NALF1: variants seen among roughly 807,000 people sequenced by gnomAD.
The protein encoded by NALF1 is NALCN channel auxiliary factor 1.
NALF1 carries 3 observed loss-of-function variants against 48.4 expected under a neutral mutation model. The observed-to-expected ratio is 0.06, with a 90% CI of 0.03 to 0.16. The LOEUF (loss-of-function observed/expected upper bound fraction) is 0.16, where lower values mean the gene tolerates loss of function less well. NALF1 is among the 10% of genes least tolerant of loss of function. The probability of loss-of-function intolerance (pLI) is 1.00; values close to 1 mark genes in which losing one functional copy is unlikely to be tolerated. For synonymous variants in NALF1, 262 were observed against 245.7 expected, an observed-to-expected ratio of 1.07 and a Z score of -0.62; for missense variants, 526 against 571.5, an observed-to-expected ratio of 0.92 and a Z score of 0.81.
intron 1 of NALF1, among the ~76,000 whole-genome samples, chr13:107,626,572 A>G (rs1464211630): frequency 2.0e-5 from 3 of 152,160 alleles, no homozygotes; most frequent in African/African-American, 7.2e-5. Context: ...ATAAAATGGA[A>G]TATTACTTAG....
chr13:107,235,913 T>C (rs1196199054), intron 1 of NALF1, among the ~76,000 whole-genome samples: 1 of 152,318 alleles, frequency 6.6e-6, no homozygotes, highest in African/African-American at 2.4e-5. Context: ...TCTACTATCA[T>C]CTCCCATGTT....
intron 1 of NALF1, among the ~76,000 whole-genome samples, chr13:107,730,031 A>C (rs1876265679): frequency 6.6e-6 from 1 of 152,170 alleles, no homozygotes; most frequent in African/African-American, 2.4e-5. Context: ...GCTGATTATC[A>C]ATAACATAAT....
intron 1 of NALF1, among the ~76,000 whole-genome samples, chr13:107,410,079 A>G (rs1266465273): frequency 6.6e-6 from 1 of 152,240 alleles, no homozygotes; most frequent in Non-Finnish European, 1.5e-5. Context: ...AATTTTATGA[A>G]AATATTCTCT....
rs397955378 is a variant in NALF1 at position 107,310,409 on chromosome 13, C to CAAA, written c.916-99657_916-99655dup. 6.9e-3 allele frequency among the ~76,000 whole-genome samples: 550 copies of CAAA among 80,048 alleles called. 2 individuals are homozygous for CAAA. Among genetic ancestry groups the CAAA allele is most frequent in the Non-Finnish European group, 0.012 (430 of 35,678 alleles). The allele number at this position is 80,048 out of a possible 152,430, so 52.5% of individuals were successfully genotyped here. ...AGGGAGACAGAGCGAGATTCCATCT[C>CAAA]AAAAAAAAAAAAAAAAGTAATTTCT... is the stretch of plus-strand genomic sequence containing the variant. On this transcript the variant is annotated intron_variant, in intron 1 of 2. Transcript: ENST00000375915.
Position 107,164,277 on chromosome 13 carries a change from T to C in NALF1, c.*6220A>G, listed in dbSNP as rs1878615129. 6.6e-6 allele frequency: 1 copy of C among 152,196 alleles called. No homozygotes were observed. 9.4% of individuals were successfully genotyped at this position (152,196 alleles called of 1,614,324 possible). A position where few individuals can be genotyped will look rare whatever the true frequency, so the allele number is the denominator to read the frequency against. ...GATACAAATCAATGAAATAATTTAC[T>C]CAAGAGCCCTGCTTAATCTATTTCC... On this transcript the variant is annotated 3_prime_UTR_variant, in exon 3 of 3. Coordinates refer to ENST00000375915, the MANE Select transcript of NALF1 (RefSeq NM_001080396.3).
intron 1 of NALF1, among the ~76,000 whole-genome samples, chr13:107,350,027 A>G (rs1882844289): frequency 6.6e-6 from 1 of 152,104 alleles, no homozygotes. Context: ...TCACATGCGC[A>G]GTTCACAGTA....
At chr13:107,823,857 A>G (rs1297859668) in intron 1 of NALF1, among the ~76,000 whole-genome samples, 1 of 152,190 alleles carries the variant, frequency 6.6e-6, no homozygotes, top group East Asian at 1.9e-4. Flanking sequence ...TCTCATCTGC[A>G]CAATGCGGAT....
At chr13:107,267,097 C>G (rs1331252536) in intron 1 of NALF1, among the ~76,000 whole-genome samples, 1 of 152,180 alleles carries the variant, frequency 6.6e-6, no homozygotes, top group Non-Finnish European at 1.5e-5. Flanking sequence ...TCAAGTTTCC[C>G]CATAAGCACT....
At chr13:107,415,268 T>C (rs998346958) in intron 1 of NALF1, among the ~76,000 whole-genome samples, 1 of 152,148 alleles carries the variant, frequency 6.6e-6, no homozygotes, top group African/African-American at 2.4e-5. Flanking sequence ...AAGACTAACA[T>C]AGTTAATCAA....
At chr13:107,840,756 G>C (rs936897282) in intron 1 of NALF1, among the ~76,000 whole-genome samples, 11 of 152,080 alleles carry the variant, frequency 7.2e-5, no homozygotes, top group Admixed American at 5.2e-4. Context: ...AAGGTTTTCA[G>C]TACATCAAAC....
intron 1 of NALF1, among the ~76,000 whole-genome samples, chr13:107,344,419 T>A (rs1272949691): frequency 6.6e-6 from 1 of 152,196 alleles, no homozygotes; most frequent in African/African-American, 2.4e-5. Context: ...CTGATGCATA[T>A]TGATGCAAAA....
intron 1 of NALF1, among the ~76,000 whole-genome samples, chr13:107,436,177 C>G (rs1884461613): frequency 6.6e-6 from 1 of 152,154 alleles, no homozygotes; most frequent in South Asian, 2.1e-4. Flanking sequence ...AAATAACTGC[C>G]TAAACCTAAA....
intron 1 of NALF1, among the ~76,000 whole-genome samples, chr13:107,744,513 C>A (rs533179464): frequency 1.3e-5 from 2 of 152,260 alleles, no homozygotes; most frequent in East Asian, 3.9e-4. Context: ...TGGAATTAAC[C>A]ATTATAGAAA....
intron 1 of NALF1, among the ~76,000 whole-genome samples, chr13:107,232,394 C>T (rs1004939062): frequency 1.3e-5 from 2 of 152,156 alleles, no homozygotes; most frequent in African/African-American, 4.8e-5. Flanking sequence ...CTAGAGATTT[C>T]CATTATGAGC....
chr13:107,828,565 TTCTATCTA>T lies in NALF1; in HGVS notation c.915+37109_915+37116del, dbSNP rs56379915. Among the ~76,000 whole-genome samples, 234 of 135,872 alleles carry T rather than the reference TTCTATCTA, an allele frequency of 1.7e-3. 1 individual carries two copies. Among genetic ancestry groups the T allele is most frequent in the South Asian group, 0.01 (41 of 3,970 alleles). 89.1% of individuals were successfully genotyped at this position (135,872 alleles called of 152,430 possible). On this transcript the variant is annotated intron_variant, in intron 1 of 2. Coordinates refer to ENST00000375915, the MANE Select transcript of NALF1 (RefSeq NM_001080396.3). Reference sequence around the variant, plus strand: ...AGAATAGGTAGAGAGTCATATTAAATTCTATCTATCTATCTATCTATCTATCTATATCT... The same window carrying T: ...AGAATAGGTAGAGAGTCATATTAAATTCTATCTATCTATCTATCTATATCT...
intron 1 of NALF1, among the ~76,000 whole-genome samples, chr13:107,567,289 A>T (rs1020405049): frequency 6.6e-6 from 1 of 152,200 alleles, no homozygotes; most frequent in Non-Finnish European, 1.5e-5. Context: ...ACATATTTTA[A>T]TTGATAGCAA....
intron 1 of NALF1, among the ~76,000 whole-genome samples, chr13:107,539,000 T>C (rs986001448): frequency 6.7e-6 from 1 of 149,778 alleles, no homozygotes; most frequent in Non-Finnish European, 1.5e-5. Flanking sequence ...CTATTTAGTA[T>C]TTATCTCACT....
intron 1 of NALF1, among the ~76,000 whole-genome samples, chr13:107,311,464 G>T (rs1226712748): frequency 6.6e-6 from 1 of 151,756 alleles, no homozygotes; most frequent in African/African-American, 2.4e-5. Flanking sequence ...GTATACAGAG[G>T]TTTACTGGCT....
chr13:107,190,705 A>C (rs961088750), intron 2 of NALF1, among the ~76,000 whole-genome samples: 1 of 152,220 alleles, frequency 6.6e-6, no homozygotes, highest in African/African-American at 2.4e-5. Context: ...TAAAATTTGC[A>C]AAAGGAATAT....
Sources: gnomAD v4.1 joint callset for allele counts (sites outside exome capture counted in the v4.1 genomes callset) on GRCh38, gnomAD v4.1.1 for gene constraint, MANE v1.5 for transcripts, NCBI Gene and HGNC (gene_info 2026-07-23, HGNC 2026-07-21) for gene names.